XPC: variants seen among roughly 807,000 people sequenced by gnomAD.
XPC encodes the protein XPC complex subunit, DNA damage recognition and repair factor, also known as DNA repair protein complementing XP-C cells.
Under a neutral mutation model 95.8 loss-of-function variants are expected in XPC, and 76 were observed. The ratio of observed to expected loss-of-function variants is 0.79; its 90% CI spans 0.66 to 0.96. The LOEUF (loss-of-function observed/expected upper bound fraction) is 0.96, where lower values mean the gene tolerates loss of function less well. Ranked by LOEUF, XPC falls within the 40% of genes least tolerant of loss-of-function variation. The pLI is 0.00. For missense variants in XPC, 1,146 were observed against 1,179.8 expected (o/e 0.97, Z 0.42); for synonymous variants, 442 against 442.1 (o/e 1.00, Z 0.00).
At position 14,148,739 on chromosome 3, in the gene XPC, G is replaced by A. The variant is rs777883158; in HGVS notation, c.2251-8C>T. On this transcript the variant is annotated splice_polypyrimidine_tract_variant and splice_region_variant and intron_variant, in intron 12 of 15. Transcript: ENST00000285021. ...AAACTCGTTCCGGGGCACCTGTGTC[G>A]GGTGAGCAAGTCAGCATTTGGCCAG... 3.9e-5 allele frequency: 63 copies of A among 1,613,790 alleles called. No individual in the cohort carries two copies. Among genetic ancestry groups the A allele is most frequent in the African/African-American group, 5.3e-5 (4 of 74,912 alleles).
chr3:14,165,459 C>G lies in XPC; in HGVS notation c.748G>C (p.Asp250His). The change falls in exon 6 of 16, where the codon GAC becomes CAC. Residue 250 changes from aspartate (D) to histidine (H), a missense_variant. By Grantham distance (81) the Asp-to-His change is moderately conservative. Transcript: ENST00000285021. ...RFTRVLPRDV[D>H]TYYLSNLVKW... ...ACCAGGTTTGAGAGGTAGTAGGTGT[C>G]CACATCTCGAGGCAGCACTCTGGTA... The G allele has an allele frequency of 1.2e-6, 2 of 1,600,658 alleles. No homozygotes were observed. Among genetic ancestry groups the G allele is most frequent in the Non-Finnish European group, 1.7e-6 (2 of 1,173,492 alleles).
chr3:14,145,779 C>T lies in XPC; in HGVS notation c.*162G>A. The T allele has an allele frequency of 2.3e-6, 2 of 851,564 alleles. No individual in the cohort carries two copies. The highest frequency in any genetic ancestry group is 3.8e-6 in the Non-Finnish European group (2 of 522,564). 52.8% of individuals were successfully genotyped at this position (851,564 alleles called of 1,614,324 possible). A position where few individuals can be genotyped will look rare whatever the true frequency, so the allele number is the denominator to read the frequency against. ...GACGGGACCTGCAGCACCTCCTCAGCTTGGCCTCGTCTCCCCTGACCCCGC... is the reference window on the plus strand; with the variant it reads ...GACGGGACCTGCAGCACCTCCTCAGTTTGGCCTCGTCTCCCCTGACCCCGC... On this transcript the variant is annotated 3_prime_UTR_variant, in exon 16 of 16. Coordinates refer to ENST00000285021, the MANE Select transcript of XPC (RefSeq NM_004628.5).
At position 14,158,127 on chromosome 3, in the gene XPC, C is replaced by T. The variant is rs574493911; in HGVS notation, c.1756G>A (p.Asp586Asn). ...GWVRDVTQRY[D>N]PVWMTVTRKC... ...CGGGTCACTGTCATCCAGACTGGGT[C>T]GTACCTCTGTGTGACATCTCGGACC... The change falls in exon 9 of 16, where the codon GAC becomes AAC. Residue 586 changes from aspartate (D) to asparagine (N), a missense_variant. Asp to Asn is a conservative substitution (Grantham distance 23). Coordinates refer to ENST00000285021, the MANE Select transcript of XPC (RefSeq NM_004628.5). The surrounding 1 kb of genome is among the most constrained non-coding windows in gnomAD (Gnocchi z 5.2). 3.7e-6 allele frequency: 6 copies of T among 1,613,942 alleles called. No individual in the cohort carries two copies. In the South Asian group the frequency reaches 4.4e-5, roughly 12 times the overall value.
At position 14,145,337 on chromosome 3, in the gene XPC, T is replaced by TG; in HGVS notation, c.*603dup. On this transcript the variant is annotated 3_prime_UTR_variant, in exon 16 of 16. Transcript: ENST00000285021. ...CTGATTTTAGCTTTTTTTAGGCTTC[T>TG]GTCACCACAAAATGTTACTTGGAAA... is the stretch of plus-strand genomic sequence containing the variant. 1.4e-6 allele frequency: 1 copy of TG among 699,888 alleles called. No homozygotes were observed. The allele number at this position is 699,888 out of a possible 1,614,324, so 43.4% of individuals were successfully genotyped here. A position where few individuals can be genotyped will look rare whatever the true frequency, so the allele number is the denominator to read the frequency against.
At chr3:14,178,016 G>T (rs145174789) in intron 1 of XPC, among the ~76,000 whole-genome samples, 5 of 152,240 alleles carry the variant, frequency 3.3e-5, no homozygotes, top group Non-Finnish European at 5.9e-5. Context: ...CATGACAAAT[G>T]TAAGAAGCCT....
At chr3:14,155,732 G>T (rs997049793) in intron 10 of XPC, among the ~76,000 whole-genome samples, 1 of 152,162 alleles carries the variant, frequency 6.6e-6, no homozygotes, top group Non-Finnish European at 1.5e-5. Flanking sequence ...CTAATTTTTT[G>T]TATTTTTAGT....
At chr3:14,148,193 CCA>C in intron 13 of XPC, 192 bp from the exon 14 acceptor site, 1 of 594,410 alleles carries the variant, frequency 1.7e-6, no homozygotes. Context: ...CTCTTCCTCC[CCA>C]GATTCTGCCG....
At chr3:14,176,244 C>G (rs530192081) in intron 1 of XPC, among the ~76,000 whole-genome samples, 9 of 152,280 alleles carry the variant, frequency 5.9e-5, no homozygotes, top group African/African-American at 2.2e-4. Context: ...AGATTAAAAC[C>G]GTAAATTTTT....
chr3:14,172,686 TG>T (rs1696658943), intron 2 of XPC, among the ~76,000 whole-genome samples, 180 bp downstream of exon 2: 1 of 152,262 alleles, frequency 6.6e-6, no homozygotes, highest in Non-Finnish European at 1.5e-5. Flanking sequence ...ACTTACTGCA[TG>T]CTGTCACTGT....
rs1181938811 is a variant in XPC, at chr3:14,172,832, T to C, written c.299+35A>G. 3 of 1,592,696 alleles carry C rather than the reference T, an allele frequency of 1.9e-6. No homozygotes were observed. The East Asian group carries it at 6.7e-5, about 36-fold the overall frequency. On this transcript the variant is annotated intron_variant, in intron 2 of 15. Coordinates refer to ENST00000285021, the MANE Select transcript of XPC (RefSeq NM_004628.5). ...ATTCACAATTCTCTGATGAGAAAAATCAAGACCCGAGACAAAGCTTTGCAG... is the reference window on the plus strand; with the variant it reads ...ATTCACAATTCTCTGATGAGAAAAACCAAGACCCGAGACAAAGCTTTGCAG...
At chr3:14,146,208 G>A (rs781764507) in intron 15 of XPC, 49 bp from the exon 16 acceptor site, 1 of 1,528,866 alleles carries the variant, frequency 6.5e-7, no homozygotes, top group Admixed American at 1.9e-5. Context: ...TTAGTAATCA[G>A]ATACCAGGAA....
intron 10 of XPC, among the ~76,000 whole-genome samples, chr3:14,155,441 A>G (rs1695862654): frequency 1.3e-5 from 2 of 151,902 alleles, no homozygotes; most frequent in Non-Finnish European, 2.9e-5. Flanking sequence ...TTGTATTAAC[A>G]TTTTTCAATT....
intron 1 of XPC, 112 bp downstream of exon 1, chr3:14,178,354 A>C: frequency 3.2e-6 from 4 of 1,236,724 alleles, no homozygotes; most frequent in Non-Finnish European, 4.3e-6. Flanking sequence ...ACGGCGCGGA[A>C]CGCGCGCAGC....
intron 1 of XPC, among the ~76,000 whole-genome samples, chr3:14,174,542 A>G (rs1696736388): frequency 6.6e-6 from 1 of 152,238 alleles, no homozygotes; most frequent in South Asian, 2.1e-4. Flanking sequence ...AGGAGTTAAA[A>G]GGGAAAGGGG....
At position 14,148,807 on chromosome 3, in the gene XPC, C is replaced by A. The variant is rs1695559518; in HGVS notation, c.2250+7G>T. 6.2e-7 allele frequency: 1 copy of A among 1,613,854 alleles called. No homozygotes were observed. Among genetic ancestry groups the A allele is most frequent in the South Asian group, 1.1e-5 (1 of 91,082 alleles). On this transcript the variant is annotated splice_region_variant and intron_variant, in intron 12 of 15. Coordinates refer to ENST00000285021, the MANE Select transcript of XPC (RefSeq NM_004628.5). ...CTGGTCCTGAGCCCTTCTGATGCTG[C>A]CCTTACCTTCCCGTCCACGGCCACT...
At chr3:14,148,400 G>A (rs1224440449) in intron 13 of XPC, 162 bp downstream of exon 13, 2 of 975,900 alleles carry the variant, frequency 2.0e-6, no homozygotes, top group Non-Finnish European at 3.0e-6. Context: ...AGGGAAGCCA[G>A]AATTGGTAAA....
intron 2 of XPC, among the ~76,000 whole-genome samples, chr3:14,171,489 T>C (rs1039979149): frequency 2.6e-5 from 4 of 152,164 alleles, no homozygotes; most frequent in Admixed American, 6.5e-5. Context: ...TCTCTGGAGA[T>C]AGAATTCAAC....
chr3:14,161,792 T>A (rs1022241856), intron 7 of XPC, among the ~76,000 whole-genome samples: 1 of 151,310 alleles, frequency 6.6e-6, no homozygotes, highest in Non-Finnish European at 1.5e-5. Context: ...TTATTCAACA[T>A]TGTACTTGAA....
At chr3:14,152,845 TC>T in intron 10 of XPC, 1 of 158,876 alleles carries the variant, frequency 6.3e-6, no homozygotes. Context: ...GAGGGAAGTG[TC>T]CAGGAGGGGG....
Sources: gnomAD v4.1 joint callset for allele counts (sites outside exome capture counted in the v4.1 genomes callset) on GRCh38, gnomAD v4.1.1 for gene constraint, Gnocchi (gnomAD v3.1) non-coding constraint, MANE v1.5 for transcripts, NCBI Gene and HGNC (gene_info 2026-07-23, HGNC 2026-07-21) for gene names.